Variants in CCSER2 observed in about 807,000 individuals in gnomAD.
The protein encoded by CCSER2 is serine-rich coiled-coil domain-containing protein 2.
In CCSER2, 46 loss-of-function variants were observed where a neutral mutation model predicts 92.3. The observed-to-expected ratio is 0.50, with a 90% CI of 0.39 to 0.64. The LOEUF is 0.64. CCSER2 is among the 30% of genes least tolerant of loss of function. CCSER2 has a pLI of 0.00. For missense variants in CCSER2, 1,244 were observed against 1,238.9 expected (o/e 1.00, Z -0.06); for synonymous variants, 433 against 431.4 (o/e 1.00, Z -0.04).
At chr10:84,438,470 A>G in intron 5 of CCSER2, 42 bp from the exon 6 acceptor site, 1 of 1,008,200 alleles carries the variant, frequency 9.9e-7, no homozygotes, top group Non-Finnish European at 1.5e-6. Flanking sequence ...CTGAAATTGT[A>G]TTGTATATCT....
intron 4 of CCSER2, among the ~76,000 whole-genome samples, chr10:84,422,580 G>A (rs1230649751): frequency 6.6e-6 from 1 of 152,104 alleles, no homozygotes; most frequent in African/African-American, 2.4e-5. Flanking sequence ...TTAGGGCCCA[G>A]TCTCACCTGC....
chr10:84,457,446 C>T (rs796825627), intron 6 of CCSER2, among the ~76,000 whole-genome samples: 89,461 of 105,140 alleles, frequency 0.85, 38,053 homozygotes, highest in East Asian at 0.9. Context: ...TATATAAATA[C>T]ATATTATAAA....
chr10:84,391,355 C>T, intron 3 of CCSER2: 1 of 1,426,742 alleles, frequency 7.0e-7, no homozygotes, highest in Non-Finnish European at 9.9e-7. Flanking sequence ...CAACATTGAA[C>T]AGCTGGTAGC....
intron 1 of CCSER2, among the ~76,000 whole-genome samples, chr10:84,358,181 C>T (rs575452638): frequency 9.9e-5 from 15 of 152,202 alleles, no homozygotes; most frequent in South Asian, 4.2e-4. Flanking sequence ...GTATAGTTGC[C>T]GTTGAGAAGC....
intron 4 of CCSER2, 143 bp from the exon 5 acceptor site, chr10:84,425,588 T>C: frequency 2.0e-6 from 1 of 504,910 alleles, no homozygotes; most frequent in Non-Finnish European, 3.2e-6. Flanking sequence ...TTTAGAAATC[T>C]TGATATTGTG....
intron 1 of CCSER2, among the ~76,000 whole-genome samples, chr10:84,353,911 A>C (rs1211542853): frequency 6.8e-6 from 1 of 148,114 alleles, no homozygotes; most frequent in Non-Finnish European, 1.5e-5. Flanking sequence ...AAACAAAAAA[A>C]CCCAGGCCAG....
At chr10:84,429,710 C>G (rs868415872) in intron 5 of CCSER2, among the ~76,000 whole-genome samples, 1 of 146,752 alleles carries the variant, frequency 6.8e-6, no homozygotes, top group South Asian at 2.2e-4. Flanking sequence ...TTTATCATAT[C>G]TGTAGTTTGT....
intron 3 of CCSER2, among the ~76,000 whole-genome samples, chr10:84,398,656 G>A (rs1841965337): frequency 6.6e-6 from 1 of 152,106 alleles, no homozygotes; most frequent in Non-Finnish European, 1.5e-5. Context: ...TTCCAGGGAA[G>A]GATAGAGAAA....
At chr10:84,379,074 A>G (rs1846501147) in intron 3 of CCSER2, among the ~76,000 whole-genome samples, 2 of 152,182 alleles carry the variant, frequency 1.3e-5, no homozygotes, top group Admixed American at 6.5e-5. Flanking sequence ...TAGGTATGTA[A>G]AAGAATTTGC....
chr10:84,343,597 G>C (rs1357854888), intron 1 of CCSER2, among the ~76,000 whole-genome samples: 8 of 152,158 alleles, frequency 5.3e-5, no homozygotes, highest in Non-Finnish European at 1.0e-4. Flanking sequence ...TCCATTAAAG[G>C]TCGATTTCCT....
At chr10:84,379,637 T>C (rs1449150938) in intron 3 of CCSER2, among the ~76,000 whole-genome samples, 2 of 152,104 alleles carry the variant, frequency 1.3e-5, no homozygotes, top group Non-Finnish European at 2.9e-5. Context: ...TGTTTTAAAA[T>C]TGTGAATTCT....
At chr10:84,473,545 T>C (rs961181928) in intron 8 of CCSER2, among the ~76,000 whole-genome samples, 6 of 152,122 alleles carry the variant, frequency 3.9e-5, no homozygotes, top group African/African-American at 1.4e-4. Flanking sequence ...AAATTAGAAA[T>C]CACTCAAAGA....
rs755484735 is a variant in CCSER2, at chr10:84,517,659, A to G, written c.*3392A>G. The G allele has an allele frequency of 3.9e-5, 6 of 152,658 alleles. No homozygotes were observed. Among genetic ancestry groups the G allele is most frequent in the South Asian group, 2.1e-4 (1 of 4,830 alleles). The allele number at this position is 152,658 out of a possible 1,614,324, so 9.5% of individuals were successfully genotyped here. On this transcript the variant is annotated 3_prime_UTR_variant, in exon 10 of 10. Transcript: ENST00000372088. ...TATCAGTACAGCTGTTCACAGAAAT[A>G]TATTCCCAGCATGTCACTTTTCCAT...
intron 6 of CCSER2, among the ~76,000 whole-genome samples, chr10:84,444,855 A>G (rs1053789831): frequency 6.6e-6 from 1 of 152,186 alleles, no homozygotes; most frequent in African/African-American, 2.4e-5. Flanking sequence ...TAGTTTAAGC[A>G]TCTCTTTTGT....
chr10:84,400,055 G>T (rs1043303649), intron 3 of CCSER2, among the ~76,000 whole-genome samples: 1 of 151,906 alleles, frequency 6.6e-6, no homozygotes, highest in Non-Finnish European at 1.5e-5. Context: ...GTTTTTTCAA[G>T]TCTTTTGCCC....
Position 84,477,652 on chromosome 10 carries a change from G to A in CCSER2, c.2313G>A (p.Trp771Ter). The A allele has an allele frequency of 6.3e-7, 1 of 1,597,068 alleles. No homozygotes were observed. Among genetic ancestry groups the A allele is most frequent in the Non-Finnish European group, 8.6e-7 (1 of 1,165,492 alleles). ...CTGATAAATATACCCAAACACCCTG[G>A]AGACGAATTCCTGTAAGTAACATTT... ...TYADKYTQTP[W>*]RRIPPQVLQP... Residue 771 changes from tryptophan (W) to a stop codon, truncating the protein, a stop_gained, in exon 9 of 10, where the codon TGG (tryptophan) becomes TGA (stop). Coordinates refer to ENST00000372088, the MANE Select transcript of CCSER2 (RefSeq NM_001284240.2). LOFTEE classifies it high-confidence loss of function.
At chr10:84,373,940 ATTTG>A (rs1846199231) in intron 3 of CCSER2, 125 bp downstream of exon 3, 3 of 1,500,816 alleles carry the variant, frequency 2.0e-6, no homozygotes, top group Non-Finnish European at 2.7e-6. Flanking sequence ...GGAAATTCAT[ATTTG>A]TTAAGAGCCT....
At chr10:84,354,018 C>T (rs61865020) in intron 1 of CCSER2, among the ~76,000 whole-genome samples, 18,795 of 151,630 alleles carry the variant, frequency 0.12, 1,461 homozygotes, top group Admixed American at 0.22. Context: ...GACAATGTGG[C>T]GGAAACCCAT....
intron 7 of CCSER2, among the ~76,000 whole-genome samples, chr10:84,464,765 A>C (rs927376741): frequency 2.0e-5 from 3 of 152,098 alleles, no homozygotes; most frequent in African/African-American, 7.2e-5. Context: ...ATCAGCCCCT[A>C]TTGTGGGACA....
Sources: gnomAD v4.1 joint callset for allele counts (sites outside exome capture counted in the v4.1 genomes callset) on GRCh38, gnomAD v4.1.1 for gene constraint, MANE v1.5 for transcripts, NCBI Gene and HGNC (gene_info 2026-07-23, HGNC 2026-07-21) for gene names.